MAGI3: variants seen among roughly 807,000 people sequenced by gnomAD.
The protein encoded by MAGI3 is membrane-associated guanylate kinase, WW and PDZ domain-containing protein 3.
A neutral mutation model predicts 121.8 loss-of-function variants in MAGI3; 43 were observed. The observed-to-expected ratio is 0.35, with a 90% CI of 0.28 to 0.46. The LOEUF is 0.46. Among genes scored for constraint, MAGI3 ranks in the 20% least tolerant of loss-of-function variants. The probability of loss-of-function intolerance (pLI) is 1.00; values close to 1 mark genes in which losing one functional copy is unlikely to be tolerated. For synonymous variants in MAGI3, 553 were observed against 639.3 expected (o/e 0.86, Z 2.04); for missense variants, 1,547 against 1,797.3 (o/e 0.86, Z 2.52).
In MAGI3 at chr1:113,391,576, GC is replaced by G. The variant is rs368005848; in HGVS notation, c.316+228del. Among the ~76,000 whole-genome samples, 162 of 152,268 alleles carry G rather than the reference GC, an allele frequency of 1.1e-3. No homozygotes were observed. Among genetic ancestry groups the G allele is most frequent in the East Asian group, 3.3e-3 (17 of 5,172 alleles). ...CGCGGTTGCTCTGCTAGCTGTGCTA[GC>G]TGTCACAGAATTGCGACTAGAAGCT... is the stretch of plus-strand genomic sequence containing the variant. On this transcript the variant is annotated intron_variant, in intron 1 of 20. Transcript: ENST00000307546. The surrounding 1 kb of genome is among the most constrained non-coding windows in gnomAD (Gnocchi z 4.4).
chr1:113,566,954 T>G (rs984818953), intron 2 of MAGI3, among the ~76,000 whole-genome samples: 3 of 146,384 alleles, frequency 2.0e-5, no homozygotes, highest in Non-Finnish European at 3.0e-5. Flanking sequence ...AGAGATAAAC[T>G]GAATAGAAAA....
chr1:113,532,772 A>C (rs1392062535), intron 1 of MAGI3, among the ~76,000 whole-genome samples: 3 of 152,190 alleles, frequency 2.0e-5, no homozygotes, highest in Non-Finnish European at 4.4e-5. Context: ...TGGAAATGTT[A>C]ATTTTAAGTG....
intron 16 of MAGI3, among the ~76,000 whole-genome samples, chr1:113,668,321 G>A (rs551690936): frequency 2.0e-5 from 3 of 152,212 alleles, no homozygotes; most frequent in African/African-American, 7.2e-5. Context: ...AATTCTCATC[G>A]AAGGAGAGAT....
chr1:113,637,783 C>G (rs1652139352), intron 9 of MAGI3, among the ~76,000 whole-genome samples: 1 of 152,238 alleles, frequency 6.6e-6, no homozygotes, highest in Non-Finnish European at 1.5e-5. Flanking sequence ...GCCTGCCTTG[C>G]TAGGTTGGGG....
chr1:113,452,455 TACACACACACACAC>T (rs4026203), intron 1 of MAGI3, among the ~76,000 whole-genome samples: 2 of 147,110 alleles, frequency 1.4e-5, no homozygotes, highest in Non-Finnish European at 3.0e-5. Context: ...TGCATAGACA[TACACACACACACAC>T]ACACACACAC....
chr1:113,614,640 A>G lies in MAGI3; in HGVS notation c.1058A>G (p.Tyr353Cys), dbSNP rs1256275814. 5 of 1,608,276 alleles carry G rather than the reference A, an allele frequency of 3.1e-6. No individual in the cohort carries two copies. Among genetic ancestry groups the G allele is most frequent in the African/African-American group, 1.3e-5 (1 of 74,628 alleles). Residue 353 changes from tyrosine to cysteine, a missense_variant, in exon 7 of 21, where the codon TAT (tyrosine) becomes TGT (cysteine). Transcript: ENST00000307546. ...YGWEKIEDPQ[Y>C]GTYYVDHLNQ... ...TGGGAGAAAATAGAGGACCCTCAGT[A>G]TGGGACATACTATGTTGAGTAAGTT...
intron 2 of MAGI3, among the ~76,000 whole-genome samples, chr1:113,572,465 A>G (rs961780972): frequency 1.3e-5 from 2 of 152,172 alleles, no homozygotes; most frequent in Non-Finnish European, 2.9e-5. Flanking sequence ...TTCAAAAGGA[A>G]TGGTACCAGC....
At position 113,435,637 on chromosome 1, in the gene MAGI3, C is replaced by T. The variant is rs149100205; in HGVS notation, c.316+44288C>T. On this transcript the variant is annotated intron_variant, in intron 1 of 20. Transcript: ENST00000307546. Reference sequence around the variant, plus strand: ...ATCCATTTAATAAATGTGTTTCAGTCCTTATCATATGTGCAAGGTGCTAGT... The same window carrying T: ...ATCCATTTAATAAATGTGTTTCAGTTCTTATCATATGTGCAAGGTGCTAGT... Among the ~76,000 whole-genome samples the T allele has an allele frequency of 2.1e-3, 326 of 152,108 alleles. 1 individual carries two copies. The highest frequency in any genetic ancestry group is 3.2e-3 in the Non-Finnish European group (215 of 67,932).
intron 1 of MAGI3, among the ~76,000 whole-genome samples, chr1:113,488,460 G>A (rs891568417): frequency 1.3e-5 from 2 of 152,220 alleles, no homozygotes; most frequent in African/African-American, 4.8e-5. Context: ...TGCTTGCAGG[G>A]CAGCCTCAGG....
In MAGI3 at chr1:113,683,476, A is replaced by ATAATT; in HGVS notation, c.3909_3910insAATTT (p.Ala1304AsnfsTer8). On this transcript the variant is annotated frameshift_variant, in exon 21 of 21. Coordinates refer to ENST00000307546, the MANE Select transcript of MAGI3 (RefSeq NM_001142782.2). LOFTEE classifies it low-confidence loss of function (END_TRUNC). ...ATTGAAGGAAGCAAAGCTCCATCAA[A>ATAATT]TGCTGAGGCCAAATTATTAGAGGGT... is the stretch of plus-strand genomic sequence containing the variant. The ATAATT allele has an allele frequency of 6.2e-7, 1 of 1,614,008 alleles. No individual in the cohort carries two copies.
intron 1 of MAGI3, among the ~76,000 whole-genome samples, chr1:113,544,692 C>T (rs1659450050): frequency 6.6e-6 from 1 of 152,130 alleles, no homozygotes; most frequent in Admixed American, 6.5e-5. Context: ...ACTAAGATGC[C>T]TCAGAGTGCA....
intron 6 of MAGI3, among the ~76,000 whole-genome samples, chr1:113,610,541 G>T (rs533598502): frequency 1.3e-5 from 2 of 152,232 alleles, no homozygotes; most frequent in South Asian, 2.1e-4. Flanking sequence ...ATGTTCTACA[G>T]ATCACTCAAA....
At chr1:113,487,384 C>G (rs1656433324) in intron 1 of MAGI3, among the ~76,000 whole-genome samples, 1 of 152,018 alleles carries the variant, frequency 6.6e-6, no homozygotes, top group Non-Finnish European at 1.5e-5. Flanking sequence ...CCTGTGTATA[C>G]AATAATTTTA....
At chr1:113,640,506 A>G (rs1458773244) in intron 9 of MAGI3, among the ~76,000 whole-genome samples, 3 of 152,200 alleles carry the variant, frequency 2.0e-5, no homozygotes, top group Non-Finnish European at 4.4e-5. Flanking sequence ...TAGATTGCAT[A>G]AGGAAAATGT....
chr1:113,411,549 C>T (rs1000531641), intron 1 of MAGI3, among the ~76,000 whole-genome samples: 1 of 151,642 alleles, frequency 6.6e-6, no homozygotes, highest in African/African-American at 2.4e-5. Context: ...TTCTAACTAT[C>T]GAGTATCTAG....
rs772716871 is a variant in MAGI3, at chr1:113,685,631, ATTAT to A, written c.*1623_*1626del. 4.0e-4 allele frequency: 61 copies of A among 152,448 alleles called. No homozygotes were observed. Among genetic ancestry groups the A allele is most frequent in the South Asian group, 2.1e-4 (1 of 4,828 alleles). 9.4% of individuals were successfully genotyped at this position (152,448 alleles called of 1,614,324 possible). A position where few individuals can be genotyped will look rare whatever the true frequency, so the allele number is the denominator to read the frequency against. On this transcript the variant is annotated 3_prime_UTR_variant, in exon 21 of 21. Coordinates refer to ENST00000307546, the MANE Select transcript of MAGI3 (RefSeq NM_001142782.2). The stretch of plus-strand genomic sequence containing the variant: ...ATACTAAGAATTTAGTACCACAGAA[ATTAT>A]TTATTATTTTCCCTGTAGTCCACAA...
At chr1:113,471,688 T>C (rs1655544990) in intron 1 of MAGI3, among the ~76,000 whole-genome samples, 1 of 152,224 alleles carries the variant, frequency 6.6e-6, no homozygotes, top group African/African-American at 2.4e-5. Flanking sequence ...GTATGTGCTA[T>C]ACTTTTATAT....
At chr1:113,445,304 A>G (rs746782353) in intron 1 of MAGI3, among the ~76,000 whole-genome samples, 11 of 152,202 alleles carry the variant, frequency 7.2e-5, no homozygotes, top group Non-Finnish European at 1.2e-4. Flanking sequence ...ACCAAGGCAC[A>G]TAATCATACT....
chr1:113,443,884 G>A (rs1359034644), intron 1 of MAGI3, among the ~76,000 whole-genome samples: 1 of 152,130 alleles, frequency 6.6e-6, no homozygotes, highest in Non-Finnish European at 1.5e-5. Context: ...TTTATAGTAT[G>A]CATTTCAGTG....
Sources: allele counts gnomAD v4.1 joint callset (sites outside exome capture counted in the v4.1 genomes callset), GRCh38; gene constraint gnomAD v4.1.1; non-coding constraint Gnocchi (gnomAD v3.1); transcripts MANE v1.5; gene names NCBI Gene and HGNC (gene_info 2026-07-23, HGNC 2026-07-21).